Variants in FOXO1 observed in about 807,000 individuals in gnomAD.
FOXO1 encodes the protein forkhead box O1.
FOXO1 carries 6 observed loss-of-function variants against 44.1 expected under a neutral mutation model. The observed-to-expected ratio is 0.14, with a 90% CI of 0.07 to 0.27. FOXO1 has a LOEUF of 0.27. Ranked by LOEUF, FOXO1 falls within the 10% of genes least tolerant of loss-of-function variation. The pLI, the probability that FOXO1 is intolerant of heterozygous loss-of-function variation, is 1.00. For missense variants in FOXO1, 737 were observed against 888.8 expected (o/e 0.83, Z 2.17); for synonymous variants, 380 against 362.7 (o/e 1.05, Z -0.54).
At chr13:40,648,887 A>C (rs1329929719) in intron 1 of FOXO1, among the ~76,000 whole-genome samples, 1 of 152,256 alleles carries the variant, frequency 6.6e-6, no homozygotes, top group Non-Finnish European at 1.5e-5. Flanking sequence ...AGTAACATTC[A>C]GGTTCATTTG....
chr13:40,574,842 A>G (rs1874683148), intron 1 of FOXO1, among the ~76,000 whole-genome samples: 1 of 152,144 alleles, frequency 6.6e-6, no homozygotes, highest in South Asian at 2.1e-4. Flanking sequence ...AAAGTTTCAC[A>G]TTTTAATCAT....
intron 1 of FOXO1, among the ~76,000 whole-genome samples, chr13:40,606,610 G>A (rs1489603228): frequency 1.3e-5 from 2 of 152,168 alleles, no homozygotes; most frequent in African/African-American, 4.8e-5. Flanking sequence ...ACCGCGCCCG[G>A]CCATGAAAAG....
chr13:40,575,687 T>TA (rs1257708917), intron 1 of FOXO1, among the ~76,000 whole-genome samples: 6 of 152,220 alleles, frequency 3.9e-5, no homozygotes, highest in Admixed American at 6.5e-5. Context: ...AATGAACAAT[T>TA]ATTTACTAAG....
intron 1 of FOXO1, among the ~76,000 whole-genome samples, chr13:40,605,822 G>C (rs909987791): frequency 7.9e-5 from 12 of 152,198 alleles, no homozygotes; most frequent in African/African-American, 2.2e-4. Flanking sequence ...ACTAGTGTGT[G>C]AAAGAAGGCC....
chr13:40,660,889 A>T (rs1878012186), intron 1 of FOXO1, among the ~76,000 whole-genome samples: 1 of 152,014 alleles, frequency 6.6e-6, no homozygotes, highest in African/African-American at 2.4e-5. Context: ...GGTTGCAGTG[A>T]GCTGAGATCA....
intron 1 of FOXO1, among the ~76,000 whole-genome samples, chr13:40,657,193 T>A (rs576133618): frequency 5.9e-5 from 9 of 152,158 alleles, no homozygotes; most frequent in Non-Finnish European, 1.2e-4. Context: ...TACACAGATA[T>A]ATGATCAAGC....
chr13:40,603,068 C>A (rs1310890399), intron 1 of FOXO1, among the ~76,000 whole-genome samples: 1 of 152,180 alleles, frequency 6.6e-6, no homozygotes, highest in Non-Finnish European at 1.5e-5. Context: ...CTGACAGAGC[C>A]ATTTCCTCAG....
chr13:40,619,570 G>A, intron 1 of FOXO1: 3 of 1,430,620 alleles, frequency 2.1e-6, no homozygotes, highest in Non-Finnish European at 2.0e-6. Context: ...TCCACTTTCA[G>A]ATAGTAACAG....
At chr13:40,660,033 T>C (rs929230125) in intron 1 of FOXO1, among the ~76,000 whole-genome samples, 2 of 152,232 alleles carry the variant, frequency 1.3e-5, no homozygotes, top group Non-Finnish European at 2.9e-5. Context: ...GTACACAGCA[T>C]ATCCCTTAGG....
chr13:40,590,001 T>C (rs1193587702), intron 1 of FOXO1, among the ~76,000 whole-genome samples: 2 of 152,192 alleles, frequency 1.3e-5, no homozygotes, highest in African/African-American at 4.8e-5. Flanking sequence ...TTGCAATCAA[T>C]AAATACGTTT....
At chr13:40,632,861 C>A (rs539504538) in intron 1 of FOXO1, among the ~76,000 whole-genome samples, 1 of 146,670 alleles carries the variant, frequency 6.8e-6, no homozygotes, top group African/African-American at 2.5e-5. Flanking sequence ...AGGAGAATCA[C>A]TTGAATCCGA....
intron 1 of FOXO1, among the ~76,000 whole-genome samples, chr13:40,664,266 C>T (rs1009532392): frequency 6.6e-6 from 1 of 152,134 alleles, no homozygotes; most frequent in African/African-American, 2.4e-5. Flanking sequence ...AGCGAGACTC[C>T]GTCTCGGAGG....
At chr13:40,611,095 T>C (rs557997968) in intron 1 of FOXO1, 1 of 456,100 alleles carries the variant, frequency 2.2e-6, no homozygotes, top group African/African-American at 2.0e-5. Context: ...TTCAGTGGCA[T>C]CAATACTGCA....
intron 1 of FOXO1, among the ~76,000 whole-genome samples, 182 bp from the exon 2 acceptor site, chr13:40,561,042 T>C (rs766153235): frequency 2.1e-4 from 32 of 152,112 alleles, no homozygotes; most frequent in Non-Finnish European, 3.2e-4. Context: ...CAGGAATAAA[T>C]AGTATCTTAT....
At chr13:40,582,957 A>T (rs905733461) in intron 1 of FOXO1, among the ~76,000 whole-genome samples, 1 of 152,216 alleles carries the variant, frequency 6.6e-6, no homozygotes, top group African/African-American at 2.4e-5. Context: ...CCATCAGAGG[A>T]ATCACTATGG....
At chr13:40,586,405 G>A (rs1333498265) in intron 1 of FOXO1, among the ~76,000 whole-genome samples, 3 of 152,094 alleles carry the variant, frequency 2.0e-5, no homozygotes, top group Non-Finnish European at 4.4e-5. Flanking sequence ...CCAATAAAAT[G>A]GTGGCACAGT....
intron 1 of FOXO1, among the ~76,000 whole-genome samples, chr13:40,655,128 G>A (rs1276334837): frequency 6.6e-6 from 1 of 152,046 alleles, no homozygotes; most frequent in Non-Finnish European, 1.5e-5. Flanking sequence ...TTGAGGTCAG[G>A]ATTTCGAGAC....
chr13:40,627,452 G>A (rs1043536290), intron 1 of FOXO1, among the ~76,000 whole-genome samples: 11 of 152,180 alleles, frequency 7.2e-5, no homozygotes, highest in African/African-American at 1.2e-4. Flanking sequence ...ACTGGATTCT[G>A]TATGAGGAGA....
chr13:40,620,742 G>T (rs1385087780), intron 1 of FOXO1, among the ~76,000 whole-genome samples: 1 of 150,578 alleles, frequency 6.6e-6, no homozygotes, highest in Non-Finnish European at 1.5e-5. Context: ...GGGGTAGCAT[G>T]TAGTTGCAAA....
Sources: allele counts gnomAD v4.1 joint callset (sites outside exome capture counted in the v4.1 genomes callset), GRCh38; gene constraint gnomAD v4.1.1; transcripts MANE v1.5; gene names NCBI Gene and HGNC (gene_info 2026-07-23, HGNC 2026-07-21).